HIBCH: variants seen among roughly 807,000 people sequenced by gnomAD.
The protein encoded by HIBCH is 3-hydroxyisobutyryl-CoA hydrolase, mitochondrial.
A neutral mutation model predicts 58.2 loss-of-function variants in HIBCH; 50 were observed. That is an observed-to-expected ratio of 0.86 (90% CI 0.68 to 1.09). The LOEUF (loss-of-function observed/expected upper bound fraction) is 1.09, where lower values mean the gene tolerates loss of function less well. Among genes scored for constraint, HIBCH ranks in the 50% least tolerant of loss-of-function variants. The pLI, the probability that HIBCH is intolerant of heterozygous loss-of-function variation, is 0.00. For missense variants in HIBCH, 450 were observed against 449.7 expected (o/e 1.00, Z -0.01); for synonymous variants, 151 against 146.9 (o/e 1.03, Z -0.20).
At chr2:190,316,043 C>T (rs1688704002) in intron 1 of HIBCH, among the ~76,000 whole-genome samples, 1 of 152,186 alleles carries the variant, frequency 6.6e-6, no homozygotes, top group African/African-American at 2.4e-5. Context: ...TCTCAGCTTT[C>T]TGTAAGGAAT....
chr2:190,200,316 C>CTA (rs2105890349), downstream of HIBCH: 2 of 627,834 alleles, frequency 3.2e-6, no homozygotes, highest in East Asian at 5.7e-5. Context: ...TTAAGTACTT[C>CTA]TATGTTAACA....
intron 2 of HIBCH, among the ~76,000 whole-genome samples, chr2:190,303,554 T>C (rs897469556): frequency 1.3e-5 from 2 of 152,232 alleles, no homozygotes; most frequent in East Asian, 3.9e-4. Context: ...AATGTGATAT[T>C]AGATGATAGC....
intron 1 of HIBCH, among the ~76,000 whole-genome samples, chr2:190,196,348 A>G (rs545172724): frequency 3.3e-5 from 5 of 152,212 alleles, no homozygotes; most frequent in African/African-American, 1.2e-4. Flanking sequence ...CCACACAATG[A>G]ATTTTTCATT....
At chr2:190,199,882 C>CAA (rs1690164330), downstream of HIBCH, 1 of 1,613,682 alleles carries the variant, frequency 6.2e-7, no homozygotes, top group South Asian at 1.1e-5. Context: ...GAAATCAAAG[C>CAA]AAACTTTCCC....
chr2:190,290,036 A>C (rs1230180964), intron 5 of HIBCH, among the ~76,000 whole-genome samples: 1 of 151,968 alleles, frequency 6.6e-6, no homozygotes, highest in African/African-American at 2.4e-5. Context: ...TTGCCACCGC[A>C]CCCAGCTGAT....
At chr2:190,242,706 T>C (rs997913352) in intron 11 of HIBCH, among the ~76,000 whole-genome samples, 2 of 152,188 alleles carry the variant, frequency 1.3e-5, no homozygotes, top group African/African-American at 2.4e-5. Flanking sequence ...GCTACAACCA[T>C]GTGATCAGCT....
chr2:190,222,654 C>T (rs563931614), intron 11 of HIBCH, among the ~76,000 whole-genome samples: 91 of 152,268 alleles, frequency 6.0e-4, no homozygotes, highest in Non-Finnish European at 9.8e-4. Context: ...AAAATAGGAA[C>T]GCTTTTACAC....
intron 6 of HIBCH, among the ~76,000 whole-genome samples, chr2:190,269,803 C>G (rs573653105): frequency 8.5e-5 from 13 of 152,208 alleles, no homozygotes; most frequent in South Asian, 8.3e-4. Flanking sequence ...TTCACAATAG[C>G]AAAGAGTTGG....
At chr2:190,247,345 G>A (rs187334956) in intron 9 of HIBCH, among the ~76,000 whole-genome samples, 30 of 152,164 alleles carry the variant, frequency 2.0e-4, no homozygotes, top group Middle Eastern at 3.4e-3. Context: ...TTCAACCACC[G>A]CAAAGCATAA....
chr2:190,286,372 C>G (rs1224569316), intron 6 of HIBCH, among the ~76,000 whole-genome samples: 2 of 152,126 alleles, frequency 1.3e-5, no homozygotes, highest in African/African-American at 4.8e-5. Flanking sequence ...GTCTTTGGGT[C>G]TTCTTTTCTG....
At chr2:190,201,888 A>G (rs1406914305), downstream of HIBCH, 3 of 167,070 alleles carry the variant, frequency 1.8e-5, no homozygotes, top group African/African-American at 7.2e-5. Flanking sequence ...TTGAGTGACA[A>G]AAGCCTAGGT....
chr2:190,292,290 C>A (rs948328418), intron 4 of HIBCH, among the ~76,000 whole-genome samples: 1 of 151,898 alleles, frequency 6.6e-6, no homozygotes, highest in African/African-American at 2.4e-5. Flanking sequence ...CATATGTCGA[C>A]TTCTTTTCCT....
chr2:190,262,332 A>C (rs771731409), intron 6 of HIBCH, among the ~76,000 whole-genome samples: 4 of 152,104 alleles, frequency 2.6e-5, no homozygotes, highest in Admixed American at 6.5e-5. Flanking sequence ...TCAGGAACAT[A>C]AGCAATGCCT....
At chr2:190,313,183 CG>C (rs1688604361) in intron 1 of HIBCH, among the ~76,000 whole-genome samples, 2 of 152,192 alleles carry the variant, frequency 1.3e-5, no homozygotes, top group Admixed American at 1.3e-4. Flanking sequence ...CCCTATCCTA[CG>C]TAACTATTGG....
intron 6 of HIBCH, among the ~76,000 whole-genome samples, chr2:190,270,930 T>C (rs1033889141): frequency 1.3e-5 from 2 of 152,158 alleles, no homozygotes; most frequent in Admixed American, 6.6e-5. Flanking sequence ...TACCCTGCTA[T>C]TGGGTATGTA....
chr2:190,293,361 G>A (rs1243831289), intron 4 of HIBCH, among the ~76,000 whole-genome samples: 2 of 152,044 alleles, frequency 1.3e-5, no homozygotes, highest in Admixed American at 6.6e-5. Flanking sequence ...GCTGAGGCAG[G>A]AGAATTGTTT....
intron 5 of HIBCH, among the ~76,000 whole-genome samples, chr2:190,289,276 T>C (rs1027738181): frequency 5.3e-5 from 8 of 152,216 alleles, no homozygotes; most frequent in Non-Finnish European, 8.8e-5. Context: ...TTTAATCTAC[T>C]AGATATTAAT....
At chr2:190,294,676 A>G (rs1451664544) in intron 3 of HIBCH, 46 bp from the exon 4 acceptor site, 2 of 1,288,710 alleles carry the variant, frequency 1.6e-6, no homozygotes, top group Non-Finnish European at 2.3e-6. Context: ...TATAAACACA[A>G]ACTCATTAAA....
Position 190,244,943 on chromosome 2 carries a change from C to T in HIBCH, c.835G>A (p.Glu279Lys). 1.2e-6 allele frequency: 2 copies of T among 1,609,496 alleles called. No homozygotes were observed. Among genetic ancestry groups the T allele is most frequent in the Non-Finnish European group, 1.7e-6 (2 of 1,175,846 alleles). Residue 279 changes from glutamate to lysine, a missense_variant, in exon 11 of 14, where the codon GAA becomes AAA. Transcript: ENST00000359678. ...NSCFSANTVE[E>K]IIENLQQDGS... ...TCTTGCTGTAAGTTTTCAATAATTT[C>T]TTCCACAGTATTGGCTGAAAAACAA... is the stretch of plus-strand genomic sequence containing the variant.
Sources: gnomAD v4.1 joint callset for allele counts (sites outside exome capture counted in the v4.1 genomes callset) on GRCh38, gnomAD v4.1.1 for gene constraint, MANE v1.5 for transcripts, NCBI Gene and HGNC (gene_info 2026-07-23, HGNC 2026-07-21) for gene names.